Variants in PBXIP1 observed in about 807,000 individuals in gnomAD.
PBXIP1 encodes the protein pre-B-cell leukemia transcription factor-interacting protein 1.
In PBXIP1, 73 loss-of-function variants were observed where a neutral mutation model predicts 73.7. That is an observed-to-expected ratio of 0.99 (90% CI 0.82 to 1.20). PBXIP1 has a LOEUF of 1.20. Ranked by LOEUF, PBXIP1 falls within the 50% of genes most tolerant of loss-of-function variation. PBXIP1 has a pLI of 0.00. For missense variants in PBXIP1, 818 were observed against 911.4 expected (o/e 0.90, Z 1.32); for synonymous variants, 330 against 366.9 (o/e 0.90, Z 1.15).
At position 154,946,742 on chromosome 1, in the gene PBXIP1, G is replaced by A; in HGVS notation, c.932C>T (p.Ala311Val). The change falls in exon 10 of 11, where the codon GCC (alanine) becomes GTC (valine). Residue 311 changes from alanine to valine, a missense_variant. Transcript: ENST00000368463. ...HQPKGLEEEN[A>V]QLRGALQQGE... ...CTGCTGCAGAGCCCCCCGGAGCTGG[G>A]CATTCTCCTCCTCTAGCCCTTTGGG... 3.1e-6 allele frequency: 5 copies of A among 1,600,166 alleles called. No homozygotes were observed. Among genetic ancestry groups the A allele is most frequent in the Non-Finnish European group, 4.3e-6 (5 of 1,170,958 alleles).
intron 1 of PBXIP1, among the ~76,000 whole-genome samples, chr1:154,955,258 C>A (rs1164344071): frequency 6.6e-6 from 1 of 152,070 alleles, no homozygotes; most frequent in Non-Finnish European, 1.5e-5. Context: ...CTCCCCATCC[C>A]CAGTTGCTGA....
In PBXIP1 at chr1:154,951,929, G is replaced by A. The variant is rs769740628; in HGVS notation, c.52-8C>T. On this transcript the variant is annotated splice_region_variant and splice_polypyrimidine_tract_variant and intron_variant, in intron 2 of 10. Transcript: ENST00000368463. The surrounding 1 kb of genome is among the most constrained non-coding windows in gnomAD (Gnocchi z 4.3). Reference sequence around the variant, plus strand: ...TGTCTCCACTGGCAGGCTCTGGGAGGAGAAGTGCAAGGAGAAGGGCTGCAC... The same window carrying A: ...TGTCTCCACTGGCAGGCTCTGGGAGAAGAAGTGCAAGGAGAAGGGCTGCAC... The A allele has an allele frequency of 1.2e-6, 2 of 1,602,154 alleles. No homozygotes were observed. Among genetic ancestry groups the A allele is most frequent in the African/African-American group, 1.4e-5 (1 of 73,828 alleles).
At position 154,951,924 on chromosome 1, in the gene PBXIP1, G is replaced by A. The variant is rs768691908; in HGVS notation, c.52-3C>T. 1 of 1,602,710 alleles carries A rather than the reference G, an allele frequency of 6.2e-7. No homozygotes were observed. Among genetic ancestry groups the A allele is most frequent in the Non-Finnish European group, 8.5e-7 (1 of 1,177,118 alleles). ...CCCAGTGTCTCCACTGGCAGGCTCT[G>A]GGAGGAGAAGTGCAAGGAGAAGGGC... On this transcript the variant is annotated splice_polypyrimidine_tract_variant and splice_region_variant and intron_variant, in intron 2 of 10. Transcript: ENST00000368463. The surrounding 1 kb of genome is among the most constrained non-coding windows in gnomAD (Gnocchi z 4.3).
chr1:154,949,862 G>A (rs528519108), intron 5 of PBXIP1, among the ~76,000 whole-genome samples: 1 of 151,956 alleles, frequency 6.6e-6, no homozygotes, highest in Admixed American at 6.5e-5. Flanking sequence ...CATTCCTTTT[G>A]GGGGAGGATG....
In PBXIP1 at chr1:154,951,293, T is replaced by C. The variant is rs777471036; in HGVS notation, c.348A>G (p.Pro116=). 1.4e-5 allele frequency: 22 copies of C among 1,614,050 alleles called. No homozygotes were observed. Among genetic ancestry groups the C allele is most frequent in the Non-Finnish European group, 1.8e-5 (21 of 1,180,016 alleles). The change falls in exon 5 of 11, where the codon CCA becomes CCG. Residue 116 remains proline, a synonymous_variant. Coordinates refer to ENST00000368463, the MANE Select transcript of PBXIP1 (RefSeq NM_020524.4). The surrounding 1 kb of genome is among the most constrained non-coding windows in gnomAD (Gnocchi z 4.3). The part of the protein sequence containing the change: ...QETTVVTGLG[P]DTQDLEGQSP... ...TCTGGCCTTCCAGGTCCTGTGTGTC[T>C]GGTCCCAGGCCTGTCACCACGGTGG...
intron 10 of PBXIP1, 139 bp downstream of exon 10, chr1:154,945,433 G>A (rs1394976787): frequency 1.1e-6 from 1 of 913,532 alleles, no homozygotes; most frequent in Non-Finnish European, 1.7e-6. Context: ...AGGGAAGAAA[G>A]GAAGCGGACC....
chr1:154,945,976 G>A lies in PBXIP1; in HGVS notation c.1698C>T (p.Asp566=). ...CCCAGGATGGCAGGGGGTCATGGCT[G>A]TCCTTAGTCCCTTCCCTCCACCGAG... ...KQPRWREGTK[D]SHDPLPSWAE... is the part of the protein sequence containing the mutation. Residue 566 remains aspartate, a synonymous_variant, in exon 10 of 11, where the codon GAC becomes GAT. Transcript: ENST00000368463. 6.2e-7 allele frequency: 1 copy of A among 1,613,970 alleles called. No individual in the cohort carries two copies. The highest frequency in any genetic ancestry group is 8.5e-7 in the Non-Finnish European group (1 of 1,179,884).
chr1:154,955,242 TATC>T (rs971933439), intron 1 of PBXIP1, among the ~76,000 whole-genome samples: 88 of 152,108 alleles, frequency 5.8e-4, no homozygotes, highest in African/African-American at 2.0e-3. Flanking sequence ...CCGCCCTTGT[TATC>T]ATCTCCCCAT....
Position 154,951,038 on chromosome 1 carries a change from A to T in PBXIP1, c.409+194T>A, listed in dbSNP as rs769079098. Reference sequence around the variant, plus strand: ...CAACCAGATGTGGGCCCTGCCCCTTACCAGCAGTGTGACCTTGGTCAAGTC... The same window carrying T: ...CAACCAGATGTGGGCCCTGCCCCTTTCCAGCAGTGTGACCTTGGTCAAGTC... On this transcript the variant is annotated intron_variant, in intron 5 of 10. Coordinates refer to ENST00000368463, the MANE Select transcript of PBXIP1 (RefSeq NM_020524.4). This position sits in a 1 kb window ranked among gnomAD's most constrained non-coding sequence, Gnocchi z 4.3. 6.6e-6 allele frequency among the ~76,000 whole-genome samples: 1 copy of T among 152,248 alleles called. No homozygotes were observed. The highest frequency in any genetic ancestry group is 1.5e-5 in the Non-Finnish European group (1 of 68,038).
chr1:154,953,308 C>A (rs1187029471), intron 2 of PBXIP1, among the ~76,000 whole-genome samples: 1 of 152,148 alleles, frequency 6.6e-6, no homozygotes, highest in Admixed American at 6.5e-5. Context: ...AACCTCACTC[C>A]AACACTGGCT....
Position 154,949,988 on chromosome 1 carries a change from ATTTAT to A in PBXIP1, c.409+1239_409+1243del, listed in dbSNP as rs575712181. Among the ~76,000 whole-genome samples, 448 of 151,144 alleles carry A rather than the reference ATTTAT, an allele frequency of 3.0e-3. 4 individuals carry two copies. Among genetic ancestry groups the A allele is most frequent in the South Asian group, 2.3e-3 (11 of 4,784 alleles). On this transcript the variant is annotated intron_variant, in intron 5 of 10. Transcript: ENST00000368463. ...CCACACCCAGCCTATTTTTATTTTT[ATTTAT>A]TTTATTTTATTTTATTTTATTTTAT...
At chr1:154,952,864 T>C (rs1345274564) in intron 2 of PBXIP1, among the ~76,000 whole-genome samples, 5 of 152,062 alleles carry the variant, frequency 3.3e-5, no homozygotes, top group Non-Finnish European at 7.4e-5. Context: ...ATCCCCAAGG[T>C]CAACTCCTTA....
At chr1:154,953,877 G>C in intron 1 of PBXIP1, 120 bp from the exon 2 acceptor site, 2 of 616,654 alleles carry the variant, frequency 3.2e-6, no homozygotes, top group Non-Finnish European at 5.8e-6. Flanking sequence ...AACCAAGCCT[G>C]GTTCCAGTCC....
In PBXIP1 at chr1:154,951,551, A is replaced by C. The variant is rs765024260; in HGVS notation, c.179-16T>G. 9.9e-6 allele frequency: 16 copies of C among 1,611,300 alleles called. No individual in the cohort carries two copies. Among genetic ancestry groups the C allele is most frequent in the Non-Finnish European group, 1.4e-5 (16 of 1,178,220 alleles). On this transcript the variant is annotated splice_polypyrimidine_tract_variant and intron_variant, in intron 3 of 10. Transcript: ENST00000368463. The surrounding 1 kb of genome is among the most constrained non-coding windows in gnomAD (Gnocchi z 4.3). The stretch of plus-strand genomic sequence containing the variant: ...AAGAGCGTCCCTGCGGTAGGAGAAA[A>C]GGCGCAGAAAAACCCACTGCCCCAG...
Position 154,946,780 on chromosome 1 carries a change from G to C in PBXIP1, c.894C>G (p.Ser298Arg). ...QLQAQKEELQ[S>R]LMHQPKGLEE... ...CTAGCCCTTTGGGCTGGTGCATCAG[G>C]CTCTGAAGCTCTTCCTTTTGGGCCT... The change falls in exon 10 of 11, where the codon AGC becomes AGG. Residue 298 changes from serine (S) to arginine (R), a missense_variant. By Grantham distance (110) the Ser-to-Arg change is moderately radical. Coordinates refer to ENST00000368463, the MANE Select transcript of PBXIP1 (RefSeq NM_020524.4). The C allele has an allele frequency of 6.5e-7, 1 of 1,539,784 alleles. No individual in the cohort carries two copies. The highest frequency in any genetic ancestry group is 8.7e-7 in the Non-Finnish European group (1 of 1,144,244).
Position 154,953,584 on chromosome 1 carries a change from G to C in PBXIP1, c.51+87C>G, listed in dbSNP as rs946726455. 24 of 828,192 alleles carry C rather than the reference G, an allele frequency of 2.9e-5. No homozygotes were observed. The African/African-American group carries it at 4.1e-4, about 14-fold the overall frequency. 51.3% of individuals were successfully genotyped at this position (828,192 alleles called of 1,614,324 possible). ...TGATGTAGGTGACCATCAGGACTAA[G>C]GAAAAGGACCCACCAAGAAAGAAGC... On this transcript the variant is annotated intron_variant, in intron 2 of 10. Coordinates refer to ENST00000368463, the MANE Select transcript of PBXIP1 (RefSeq NM_020524.4).
chr1:154,946,171 C>G lies in PBXIP1; in HGVS notation c.1503G>C (p.Arg501Ser). ...KHKKEESGRERKKNWGGQEDR... is the reference protein window; with the variant it reads ...KHKKEESGRESKKNWGGQEDR... ...CCTCCTGACCTCCCCAGTTCTTCTT[C>G]CTTTCCCGGCCAGATTCTTCCTTCT... Residue 501 changes from arginine (R) to serine (S), a missense_variant, in exon 10 of 11, where the codon AGG becomes AGC. Transcript: ENST00000368463. 1.9e-6 allele frequency: 3 copies of G among 1,614,166 alleles called. No individual in the cohort carries two copies. The highest frequency in any genetic ancestry group is 2.5e-6 in the Non-Finnish European group (3 of 1,180,034).
intron 10 of PBXIP1, 108 bp from the exon 11 acceptor site, chr1:154,945,225 A>T: frequency 1.3e-6 from 1 of 756,396 alleles, no homozygotes; most frequent in Non-Finnish European, 2.2e-6. Flanking sequence ...AGCAGGCACC[A>T]CCAAGCATAT....
rs1654745124 is a variant in PBXIP1, at chr1:154,944,803, C to T, written c.*221G>A. The T allele has an allele frequency of 1.9e-6, 1 of 523,944 alleles. No individual in the cohort carries two copies. Among genetic ancestry groups the T allele is most frequent in the African/African-American group, 1.9e-5 (1 of 51,840 alleles). 32.5% of individuals were successfully genotyped at this position (523,944 alleles called of 1,614,324 possible). A position where few individuals can be genotyped will look rare whatever the true frequency, so the allele number is the denominator to read the frequency against. On this transcript the variant is annotated 3_prime_UTR_variant, in exon 11 of 11. Coordinates refer to ENST00000368463, the MANE Select transcript of PBXIP1 (RefSeq NM_020524.4). Reference sequence around the variant, plus strand: ...AAAACACAAGCCCACATCCCAGGGCCTGGAGTATTTGCATGCATTTGCATA... The same window carrying T: ...AAAACACAAGCCCACATCCCAGGGCTTGGAGTATTTGCATGCATTTGCATA...
Sources: allele counts gnomAD v4.1 joint callset (sites outside exome capture counted in the v4.1 genomes callset), GRCh38; gene constraint gnomAD v4.1.1; non-coding constraint Gnocchi (gnomAD v3.1); transcripts MANE v1.5; gene names NCBI Gene and HGNC (gene_info 2026-07-23, HGNC 2026-07-21).